Variants in KIDINS220 observed in about 807,000 individuals in gnomAD.
The protein encoded by KIDINS220 is kinase D interacting substrate 220.
KIDINS220 carries 63 observed loss-of-function variants against 157.6 expected under a neutral mutation model. That is an observed-to-expected ratio of 0.40 (90% CI 0.33 to 0.49). The LOEUF is 0.49. KIDINS220 is among the 20% of genes least tolerant of loss of function. KIDINS220 has a pLI of 0.66. For missense variants in KIDINS220, 1,772 were observed against 2,171.2 expected, an observed-to-expected ratio of 0.82 and a Z score of 3.65; for synonymous variants, 732 against 783.6, an observed-to-expected ratio of 0.93 and a Z score of 1.10.
intron 2 of KIDINS220, among the ~76,000 whole-genome samples, chr2:8,822,992 T>G (rs1193092478): frequency 1.3e-5 from 2 of 152,200 alleles, no homozygotes; most frequent in African/African-American, 2.4e-5. Flanking sequence ...TTATATTTTT[T>G]AGAGATAGGG....
chr2:8,751,386 G>A (rs1209394207), intron 23 of KIDINS220, 80 bp downstream of exon 23: 3 of 1,229,630 alleles, frequency 2.4e-6, no homozygotes, highest in Non-Finnish European at 3.5e-6. Context: ...TAGAGCAGGA[G>A]AAATGTACAC....
chr2:8,747,231 G>GA, intron 25 of KIDINS220, 30 bp from the exon 26 acceptor site: 2 of 1,607,178 alleles, frequency 1.2e-6, no homozygotes, highest in Non-Finnish European at 1.7e-6. Context: ...GAGTGTGGGT[G>GA]AAAAGGGGAA....
chr2:8,834,249 G>A (rs62104394), intron 1 of KIDINS220, among the ~76,000 whole-genome samples: 449 of 151,970 alleles, frequency 3.0e-3, no homozygotes, highest in Non-Finnish European at 5.5e-3. Flanking sequence ...ACATCCCAAC[G>A]GTTGTCCTCT....
At chr2:8,833,479 C>CTTTTTT (rs34083774) in intron 1 of KIDINS220, among the ~76,000 whole-genome samples, 1 of 129,106 alleles carries the variant, frequency 7.7e-6, no homozygotes, top group Non-Finnish European at 1.6e-5. Context: ...TTAAATTTGT[C>CTTTTTT]TTTTTTTTTT....
At chr2:8,775,163 A>C (rs1182114582) in intron 21 of KIDINS220, among the ~76,000 whole-genome samples, 3 of 152,236 alleles carry the variant, frequency 2.0e-5, no homozygotes, top group African/African-American at 7.2e-5. Flanking sequence ...GGATGGATGA[A>C]GTTTGAGTCA....
intron 12 of KIDINS220, among the ~76,000 whole-genome samples, chr2:8,793,474 C>A (rs1227973580): frequency 6.6e-6 from 1 of 152,194 alleles, no homozygotes; most frequent in African/African-American, 2.4e-5. Context: ...CCAGCCTGGG[C>A]AACAGAGTGA....
In KIDINS220 at chr2:8,757,762, G is replaced by A. The variant is rs763196062; in HGVS notation, c.3012-6118C>T. ...GACTTGGAAATGCCAATTCGGTCTC[G>A]GTCACAACTGTCTGCTCCACAGCAT... is the stretch of plus-strand genomic sequence containing the variant. On this transcript the variant is annotated intron_variant, in intron 22 of 29. Transcript: ENST00000256707. 19 of 1,611,288 alleles carry A rather than the reference G, an allele frequency of 1.2e-5. No homozygotes were observed. Among genetic ancestry groups the A allele is most frequent in the Middle Eastern group, 1.6e-4 (1 of 6,084 alleles).
In KIDINS220 at chr2:8,812,498, T is replaced by C; in HGVS notation, c.406-5A>G. On this transcript the variant is annotated splice_region_variant and splice_polypyrimidine_tract_variant and intron_variant, in intron 5 of 29. Coordinates refer to ENST00000256707, the MANE Select transcript of KIDINS220 (RefSeq NM_020738.4). ...AATGATTGGGTAAACACTGTACTGC[T>C]AGGATAGATTGGTTGGTAGGTAGGT... The C allele has an allele frequency of 6.6e-7, 1 of 1,521,012 alleles. No individual in the cohort carries two copies. Among genetic ancestry groups the C allele is most frequent in the Non-Finnish European group, 8.9e-7 (1 of 1,129,516 alleles). The allele number at this position is 1,521,012 out of a possible 1,614,324, so 94.2% of individuals were successfully genotyped here.
Position 8,776,858 on chromosome 2 carries a change from A to C in KIDINS220, c.2738T>G (p.Ile913Ser). ...AAGATCAAAGGACATCTGGCGAGTG[A>C]TGGTCCTCTGCATCTGCCTTCTTCG... ...TYRRRQMQRTITRQMSFDLTK... is the reference protein window; with the variant it reads ...TYRRRQMQRTSTRQMSFDLTK... The change falls in exon 21 of 30, where the codon ATC becomes AGC. Residue 913 changes from isoleucine (I) to serine (S), a missense_variant. Physicochemically the swap from Ile to Ser is moderately radical, Grantham distance 142. This residue lies in a region of KIDINS220 where 725 missense variants were observed against 1,017.1 expected (regional missense o/e 0.71). Transcript: ENST00000256707. The C allele has an allele frequency of 6.2e-7, 1 of 1,614,048 alleles. No individual in the cohort carries two copies. Among genetic ancestry groups the C allele is most frequent in the Non-Finnish European group, 8.5e-7 (1 of 1,179,942 alleles).
rs1324063805 is a variant in KIDINS220 at position 8,817,613 on chromosome 2, C to T, written c.306+5G>A. On this transcript the variant is annotated splice_donor_5th_base_variant and intron_variant, in intron 4 of 29. Coordinates refer to ENST00000256707, the MANE Select transcript of KIDINS220 (RefSeq NM_020738.4). ...CTAATTAAGAACATATAAAAATGTCCATACCATATCACGGTGCTCCAAGTT... is the reference window on the plus strand; with the variant it reads ...CTAATTAAGAACATATAAAAATGTCTATACCATATCACGGTGCTCCAAGTT... 2.6e-6 allele frequency: 4 copies of T among 1,543,550 alleles called. No homozygotes were observed. The African/African-American group carries it at 5.5e-5, about 21-fold the overall frequency.
chr2:8,766,204 TC>T (rs34839993), intron 22 of KIDINS220, among the ~76,000 whole-genome samples: 68,544 of 151,908 alleles, frequency 0.45, 17,989 homozygotes, highest in East Asian at 0.59. Flanking sequence ...CTCACTTGCT[TC>T]ACTGCACCCC....
intron 2 of KIDINS220, among the ~76,000 whole-genome samples, chr2:8,820,841 G>A (rs895727413): frequency 6.6e-6 from 1 of 152,110 alleles, no homozygotes; most frequent in Non-Finnish European, 1.5e-5. Flanking sequence ...ACTATGCCAC[G>A]CACGCCTCTG....
intron 21 of KIDINS220, among the ~76,000 whole-genome samples, chr2:8,773,197 A>G (rs1331498179): frequency 6.6e-6 from 1 of 152,246 alleles, no homozygotes; most frequent in Admixed American, 6.5e-5. Context: ...TAAAAGACAA[A>G]TATCTCTGAT....
intron 22 of KIDINS220, among the ~76,000 whole-genome samples, chr2:8,763,613 T>C (rs1379387593): frequency 6.6e-6 from 1 of 152,204 alleles, no homozygotes; most frequent in Non-Finnish European, 1.5e-5. Context: ...ATTCTATAAA[T>C]ATTTGTTTAA....
rs1234077198 is a variant in KIDINS220, at chr2:8,743,055, T to C, written c.3585+4090A>G. 2.6e-5 allele frequency among the ~76,000 whole-genome samples: 4 copies of C among 152,276 alleles called. 1 individual carries two copies. In the Middle Eastern group the frequency reaches 0.014, roughly 518 times the overall value. On this transcript the variant is annotated intron_variant, in intron 26 of 29. Transcript: ENST00000256707. ...CTGGCCAGACACAGGGCCTCAATAC[T>C]AGGTCCTTTGCTTCACTGGGGTCAC... is the stretch of plus-strand genomic sequence containing the variant.
At chr2:8,825,753 CA>C (rs753913720) in intron 2 of KIDINS220, 4 of 152,194 alleles carry the variant, frequency 2.6e-5, no homozygotes, top group Admixed American at 6.5e-5. Flanking sequence ...AATATTTATA[CA>C]AAACTGTATT....
At chr2:8,796,384 C>T (rs1452289465) in intron 11 of KIDINS220, among the ~76,000 whole-genome samples, 1 of 152,194 alleles carries the variant, frequency 6.6e-6, no homozygotes, top group Non-Finnish European at 1.5e-5. Flanking sequence ...GCAGAACAAA[C>T]ACATTGACTC....
intron 26 of KIDINS220, among the ~76,000 whole-genome samples, chr2:8,743,014 A>G (rs1007088390): frequency 6.6e-6 from 1 of 152,170 alleles, no homozygotes; most frequent in Non-Finnish European, 1.5e-5. Flanking sequence ...ACAGAACAAC[A>G]TGCCACTGAG....
At chr2:8,721,626 C>T (rs1011630072), downstream of KIDINS220, 1 of 152,076 alleles carries the variant, frequency 6.6e-6, no homozygotes, top group African/African-American at 2.4e-5. Context: ...GCAAATAAAG[C>T]TAAAATTAAA....
Sources: gnomAD v4.1 joint callset for allele counts (sites outside exome capture counted in the v4.1 genomes callset) on GRCh38, gnomAD v4.1.1 for gene constraint, gnomAD v4.1.1 regional missense constraint, MANE v1.5 for transcripts, NCBI Gene and HGNC (gene_info 2026-07-23, HGNC 2026-07-21) for gene names.